The following SLC66A1 variants were observed in gnomAD, a reference collection of about 807,000 sequenced individuals.
The protein encoded by SLC66A1 is lysosomal amino acid transporter 1 homolog.
SLC66A1 carries 23 observed loss-of-function variants against 33.0 expected under a neutral mutation model. The ratio of observed to expected loss-of-function variants is 0.70; its 90% CI spans 0.50 to 0.99. The LOEUF is 0.99. Among genes scored for constraint, SLC66A1 ranks in the 50% least tolerant of loss-of-function variants. The pLI, the probability that SLC66A1 is intolerant of heterozygous loss-of-function variation, is 0.00. For synonymous variants in SLC66A1, 164 were observed against 175.5 expected (o/e 0.93, Z 0.52); for missense variants, 335 against 383.6 (o/e 0.87, Z 1.06).
At chr1:19,332,227 C>T (rs1161305768), downstream of SLC66A1, among the ~76,000 whole-genome samples, 1 of 152,186 alleles carries the variant, frequency 6.6e-6, no homozygotes, top group African/African-American at 2.4e-5. Flanking sequence ...TTGTGTCCTG[C>T]ACACTGAGCT....
intron 1 of SLC66A1, among the ~76,000 whole-genome samples, chr1:19,317,146 G>C (rs1380173043): frequency 6.6e-6 from 1 of 152,016 alleles, no homozygotes; most frequent in Non-Finnish European, 1.5e-5. Flanking sequence ...CAAGAAATTA[G>C]GAATACCCTA....
chr1:19,323,603 C>T (rs186404800), intron 2 of SLC66A1, among the ~76,000 whole-genome samples: 1 of 152,064 alleles, frequency 6.6e-6, no homozygotes, highest in African/African-American at 2.4e-5. Flanking sequence ...GATGGGGTTT[C>T]ACCATGTTGG....
At position 19,328,020 on chromosome 1, in the gene SLC66A1, G is replaced by A. The variant is rs2093878591; in HGVS notation, c.805-552G>A. The A allele has an allele frequency of 4.1e-6, 1 of 243,626 alleles. No individual in the cohort carries two copies. The highest frequency in any genetic ancestry group is 8.2e-6 in the Non-Finnish European group (1 of 121,878). 15.1% of individuals were successfully genotyped at this position (243,626 alleles called of 1,614,324 possible). On this transcript the variant is annotated intron_variant, in intron 7 of 7. Transcript: ENST00000375153. This position sits in a 1 kb window ranked among gnomAD's most constrained non-coding sequence, Gnocchi z 4.7. ...TGCCGTGTCTTCACCTCAGTTAACAGCCACTGTCTCGTCAGGATGTTGTGT... is the reference window on the plus strand; with the variant it reads ...TGCCGTGTCTTCACCTCAGTTAACAACCACTGTCTCGTCAGGATGTTGTGT...
In SLC66A1 at chr1:19,328,152, A is replaced by C; in HGVS notation, c.805-420A>C. 6.7e-6 allele frequency: 2 copies of C among 299,186 alleles called. No homozygotes were observed. Among genetic ancestry groups the C allele is most frequent in the African/African-American group, 2.2e-5 (1 of 45,228 alleles). 18.5% of individuals were successfully genotyped at this position (299,186 alleles called of 1,614,324 possible). Reference sequence around the variant, plus strand: ...GAGCGTTACCTGGGTCTCATTTCGGAGCAAGTAAACATGGCCTTTGTTTTA... The same window carrying C: ...GAGCGTTACCTGGGTCTCATTTCGGCGCAAGTAAACATGGCCTTTGTTTTA... On this transcript the variant is annotated intron_variant, in intron 7 of 7. Coordinates refer to ENST00000375153, the MANE Select transcript of SLC66A1 (RefSeq NM_001040125.2). This position sits in a 1 kb window ranked among gnomAD's most constrained non-coding sequence, Gnocchi z 4.7.
At chr1:19,333,371 G>T (rs2152020869), downstream of SLC66A1, among the ~76,000 whole-genome samples, 1 of 152,106 alleles carries the variant, frequency 6.6e-6, no homozygotes, top group East Asian at 1.9e-4. This position sits in a 1 kb window ranked among gnomAD's most constrained non-coding sequence, Gnocchi z 4.2. Flanking sequence ...TAGAGATGGG[G>T]TTTCGCCATG....
At chr1:19,324,433 G>A (rs2093852572) in intron 2 of SLC66A1, among the ~76,000 whole-genome samples, 200 bp from the exon 3 acceptor site, 1 of 152,242 alleles carries the variant, frequency 6.6e-6, no homozygotes, top group African/African-American at 2.4e-5. Context: ...CGGCTTAGAA[G>A]GGATTCCCCA....
In SLC66A1 at chr1:19,328,762, T is replaced by C; in HGVS notation, c.*119T>C. 9.1e-7 allele frequency: 1 copy of C among 1,096,698 alleles called. No homozygotes were observed. The highest frequency in any genetic ancestry group is 1.4e-5 in the South Asian group (1 of 70,110). The allele number at this position is 1,096,698 out of a possible 1,614,324, so 67.9% of individuals were successfully genotyped here. A position where few individuals can be genotyped will look rare whatever the true frequency, so the allele number is the denominator to read the frequency against. On this transcript the variant is annotated 3_prime_UTR_variant, in exon 8 of 8. Transcript: ENST00000375153. This position sits in a 1 kb window ranked among gnomAD's most constrained non-coding sequence, Gnocchi z 4.7. ...CAGCCTGCGGGTGGCCTCTGGATCC[T>C]CCGTGGACCGAACCGTCCCCCCAGG...
Position 19,326,258 on chromosome 1 carries a change from C to T in SLC66A1, c.396C>T (p.Ile132=). The change falls in exon 5 of 8, where the codon ATC becomes ATT. Residue 132 remains isoleucine (I), a synonymous_variant. Transcript: ENST00000375153. The part of the protein sequence containing the change: ...RTRPSLLSAP[I]NSVLLFLMGM... ...CCTTGTGTGCAGTGTCTGCCCCCAT[C>T]AACTCCGTGCTGTTGTTCCTCATGG... 6 of 1,604,964 alleles carry T rather than the reference C, an allele frequency of 3.7e-6. No homozygotes were observed. Among genetic ancestry groups the T allele is most frequent in the Non-Finnish European group, 5.1e-6 (6 of 1,179,436 alleles).
intron 2 of SLC66A1, among the ~76,000 whole-genome samples, chr1:19,320,019 C>A (rs902927454): frequency 6.6e-6 from 1 of 151,380 alleles, no homozygotes; most frequent in Non-Finnish European, 1.5e-5. Flanking sequence ...GCCTCAGCCT[C>A]CCGAGTAGCT....
chr1:19,326,442 C>T (rs2093867685), intron 5 of SLC66A1, 55 bp downstream of exon 5: 1 of 1,609,224 alleles, frequency 6.2e-7, no homozygotes, highest in Admixed American at 1.7e-5. Flanking sequence ...CCCCAGGGCT[C>T]TCCCCTGCAC....
At chr1:19,314,996 C>T (rs2093797538) in intron 1 of SLC66A1, among the ~76,000 whole-genome samples, 1 of 152,178 alleles carries the variant, frequency 6.6e-6, no homozygotes, top group Non-Finnish European at 1.5e-5. Context: ...CAACCTCTGC[C>T]TCCTGGGTTC....
downstream of SLC66A1, among the ~76,000 whole-genome samples, chr1:19,331,322 T>C (rs12385702): frequency 0.011 from 1,646 of 152,236 alleles, 21 homozygotes; most frequent in African/African-American, 0.037. Context: ...GATGGGAGTA[T>C]TTTTATGGCC....
At chr1:19,319,801 G>T (rs1253021798) in intron 2 of SLC66A1, among the ~76,000 whole-genome samples, 1 of 151,182 alleles carries the variant, frequency 6.6e-6, no homozygotes, top group South Asian at 2.1e-4. Context: ...TACTCGGGAG[G>T]CTGAGGCAGG....
At chr1:19,333,341 G>C (rs1288029576), downstream of SLC66A1, among the ~76,000 whole-genome samples, 1 of 152,024 alleles carries the variant, frequency 6.6e-6, no homozygotes, top group Non-Finnish European at 1.5e-5. The surrounding 1 kb of genome is among the most constrained non-coding windows in gnomAD (Gnocchi z 4.2). Flanking sequence ...ACCACGCCCA[G>C]CTAGTTTTTG....
At chr1:19,324,811 C>T (rs762877115) in intron 3 of SLC66A1, 49 bp downstream of exon 3, 11 of 1,603,538 alleles carry the variant, frequency 6.9e-6, no homozygotes, top group Admixed American at 1.7e-5. Flanking sequence ...CCTGCTTCAC[C>T]CTGCAGGGTT....
rs184410812 is a variant in SLC66A1 at position 19,326,778 on chromosome 1, C to T, written c.618+155C>T. ...GGCTTGGGCAAGTTAATCCAATCTC[C>T]GAGCCTCCATTTCTGCTTCTGGAAA... On this transcript the variant is annotated intron_variant, in intron 6 of 7. Coordinates refer to ENST00000375153, the MANE Select transcript of SLC66A1 (RefSeq NM_001040125.2). Among the ~76,000 whole-genome samples, 43 of 152,366 alleles carry T rather than the reference C, an allele frequency of 2.8e-4. No homozygotes were observed. The East Asian group carries it at 6.4e-3, about 23-fold the overall frequency.
chr1:19,318,528 G>A (rs922837856), intron 2 of SLC66A1, among the ~76,000 whole-genome samples: 1 of 152,106 alleles, frequency 6.6e-6, no homozygotes, highest in African/African-American at 2.4e-5. Flanking sequence ...GCCCACTCAG[G>A]GCCTTCACAC....
At chr1:19,320,444 C>T (rs185869407) in intron 2 of SLC66A1, among the ~76,000 whole-genome samples, 5 of 132,142 alleles carry the variant, frequency 3.8e-5, no homozygotes, top group Non-Finnish European at 6.3e-5. Context: ...TTGACAGTCT[C>T]GCTCTGTCGC....
Position 19,328,150 on chromosome 1 carries a change from G to A in SLC66A1, c.805-422G>A, listed in dbSNP as rs7543892. The stretch of plus-strand genomic sequence containing the variant: ...AAGAGCGTTACCTGGGTCTCATTTC[G>A]GAGCAAGTAAACATGGCCTTTGTTT... On this transcript the variant is annotated intron_variant, in intron 7 of 7. Transcript: ENST00000375153. This position sits in a 1 kb window ranked among gnomAD's most constrained non-coding sequence, Gnocchi z 4.7. The A allele has an allele frequency of 0.039, 11,463 of 296,306 alleles. 294 individuals carry two copies. The highest frequency in any genetic ancestry group is 0.061 in the African/African-American group (2,770 of 45,164). The allele number at this position is 296,306 out of a possible 1,614,324, so 18.4% of individuals were successfully genotyped here. A position where few individuals can be genotyped will look rare whatever the true frequency, so the allele number is the denominator to read the frequency against.
Sources: gnomAD v4.1 joint callset for allele counts (sites outside exome capture counted in the v4.1 genomes callset) on GRCh38, gnomAD v4.1.1 for gene constraint, Gnocchi (gnomAD v3.1) non-coding constraint, MANE v1.5 for transcripts, NCBI Gene and HGNC (gene_info 2026-07-23, HGNC 2026-07-21) for gene names.